The following SYNE1 variants were observed in gnomAD, a reference collection of about 807,000 sequenced individuals.
SYNE1 encodes the protein spectrin repeat containing nuclear envelope protein 1, also known as nesprin-1.
SYNE1 carries 616 observed loss-of-function variants against 1,111.0 expected under a neutral mutation model. That is an observed-to-expected ratio of 0.55 (90% CI 0.52 to 0.59). SYNE1 has a LOEUF of 0.59. SYNE1 is among the 20% of genes least tolerant of loss of function. The pLI is 0.00. For missense variants in SYNE1, 10,006 were observed against 10,417.0 expected, an observed-to-expected ratio of 0.96 and a Z score of 1.72; for synonymous variants, 3,855 against 3,825.8, an observed-to-expected ratio of 1.01 and a Z score of -0.28.
Position 152,323,581 on chromosome 6 carries a change from G to C in SYNE1, c.15814C>G (p.Arg5272Gly). The C allele has an allele frequency of 3.1e-6, 5 of 1,614,200 alleles. No homozygotes were observed. Among genetic ancestry groups the C allele is most frequent in the Non-Finnish European group, 4.2e-6 (5 of 1,180,030 alleles). Residue 5272 changes from arginine to glycine, a missense_variant, in exon 82 of 146, where the codon CGG becomes GGG. By Grantham distance (125) the Arg-to-Gly change is moderately radical. This residue lies in a region of SYNE1 where 4,955 missense variants were observed against 5,017.2 expected (regional missense o/e 0.99). Coordinates refer to ENST00000367255, the MANE Select transcript of SYNE1 (RefSeq NM_182961.4). ...EQQQSALGML[R>G]QQTLSMLQDG... ...TGGAGCATGCTCAGGGTTTGCTGCC[G>C]CAGCATGCCCAAGGCCGACTGCTGC...
chr6:152,224,725 T>G, intron 116 of SYNE1, 61 bp from the exon 117 acceptor site: 1 of 1,519,218 alleles, frequency 6.6e-7, no homozygotes, highest in Non-Finnish European at 9.1e-7. Flanking sequence ...GGAATATATA[T>G]TCAATTGATG....
In SYNE1 at chr6:152,376,795, A is replaced by G; in HGVS notation, c.9127T>C (p.Leu3043=). ...LSTYSGKVSG[L]IKEYNCLCLQ... is the part of the protein sequence containing the mutation. ...GCTCACCAATTATACTCTTTAATCA[A>G]GCCAGAAACTTTTCCACTGTAGGTA... Residue 3043 remains leucine (L), a synonymous_variant, in exon 57 of 146, where the codon TTG becomes CTG. Transcript: ENST00000367255. The G allele has an allele frequency of 6.2e-7, 1 of 1,614,048 alleles. No homozygotes were observed. The highest frequency in any genetic ancestry group is 8.5e-7 in the Non-Finnish European group (1 of 1,180,010).
intron 138 of SYNE1, among the ~76,000 whole-genome samples, chr6:152,141,772 A>G (rs866806516): frequency 3.3e-5 from 5 of 151,888 alleles, no homozygotes; most frequent in African/African-American, 7.3e-5. Flanking sequence ...AGAAAAAAGA[A>G]AAAATAAGCA....
At chr6:152,164,428 G>T (rs2063197551) in intron 130 of SYNE1, 103 bp from the exon 131 acceptor site, 1 of 1,397,072 alleles carries the variant, frequency 7.2e-7, no homozygotes, top group Admixed American at 1.9e-5. Flanking sequence ...TTTTTAGGCA[G>T]AGTTAGAAAC....
At chr6:152,510,400 T>C in intron 7 of SYNE1, 29 bp from the exon 8 acceptor site, 4 of 1,609,568 alleles carry the variant, frequency 2.5e-6, no homozygotes, top group Non-Finnish European at 3.4e-6. Flanking sequence ...CCAGCAAAAA[T>C]ATAAGCATTA....
chr6:152,328,269 G>A (rs1021098835), intron 78 of SYNE1, among the ~76,000 whole-genome samples: 12 of 152,232 alleles, frequency 7.9e-5, no homozygotes, highest in African/African-American at 2.6e-4. Flanking sequence ...TTACCTAAAG[G>A]GTTGGTTGAC....
chr6:152,282,559 A>G (rs1268011540), intron 96 of SYNE1, among the ~76,000 whole-genome samples: 1 of 152,194 alleles, frequency 6.6e-6, no homozygotes, highest in Non-Finnish European at 1.5e-5. Flanking sequence ...TTGAAAAAAA[A>G]ATCGACGTCA....
intron 145 of SYNE1, among the ~76,000 whole-genome samples, chr6:152,123,164 A>G (rs1180544564): frequency 2.0e-5 from 3 of 152,250 alleles, no homozygotes; most frequent in Non-Finnish European, 4.4e-5. Context: ...AGCAAAAATA[A>G]AAACAGTCTT....
rs1336643235 is a variant in SYNE1, at chr6:152,155,942, G to A, written c.23946C>T (p.Asn7982=). The A allele has an allele frequency of 5.0e-6, 8 of 1,613,988 alleles. No homozygotes were observed. Residue 7982 remains asparagine (N), a synonymous_variant, in exon 132 of 146, where the codon AAC becomes AAT. Transcript: ENST00000367255. The stretch of plus-strand genomic sequence containing the variant: ...TCCTTTCCATGGACATAGCACAAAT[G>A]TTTCTCCACCGCCGGTCCAGGTTTC... ...ATRNLDRRWR[N]ICAMSMERRL...
chr6:152,220,491 T>C (rs1249683926), intron 119 of SYNE1, among the ~76,000 whole-genome samples: 1 of 152,140 alleles, frequency 6.6e-6, no homozygotes, highest in African/African-American at 2.4e-5. Flanking sequence ...ATGGACAACA[T>C]CTGGAACAGA....
intron 14 of SYNE1, among the ~76,000 whole-genome samples, chr6:152,480,331 G>A (rs1017599509): frequency 2.0e-5 from 3 of 152,006 alleles, no homozygotes; most frequent in African/African-American, 4.8e-5. Flanking sequence ...GGCCAGCCTG[G>A]CCAACACGGC....
At chr6:152,369,185 A>T in intron 60 of SYNE1, 58 bp from the exon 61 acceptor site, 1 of 1,595,064 alleles carries the variant, frequency 6.3e-7, no homozygotes, top group Non-Finnish European at 8.5e-7. Flanking sequence ...TCGCGGACGA[A>T]GCTTTGGCCC....
intron 63 of SYNE1, among the ~76,000 whole-genome samples, chr6:152,363,192 T>TG (rs2096966441): frequency 6.9e-6 from 1 of 145,328 alleles, no homozygotes; most frequent in South Asian, 2.3e-4. Context: ...ACACATGCTA[T>TG]ATTTTAAATT....
intron 128 of SYNE1, among the ~76,000 whole-genome samples, chr6:152,187,952 C>T (rs2070733230): frequency 6.6e-6 from 1 of 152,172 alleles, no homozygotes; most frequent in South Asian, 2.1e-4. Context: ...TCTTGAACTC[C>T]TGACCTCAGG....
intron 41 of SYNE1, among the ~76,000 whole-genome samples, chr6:152,414,820 A>G (rs2098127730): frequency 6.9e-6 from 1 of 145,160 alleles, no homozygotes; most frequent in African/African-American, 2.5e-5. Flanking sequence ...GCTGGCATCC[A>G]GGGTGAGTGA....
At chr6:152,210,814 G>A (rs996165619) in intron 124 of SYNE1, among the ~76,000 whole-genome samples, 3 of 151,674 alleles carry the variant, frequency 2.0e-5, no homozygotes, top group Non-Finnish European at 1.5e-5. Context: ...CATAAATCTG[G>A]GGAGAAGCTA....
At chr6:152,557,562 C>G (rs1012187829) in intron 3 of SYNE1, among the ~76,000 whole-genome samples, 17 of 151,996 alleles carry the variant, frequency 1.1e-4, no homozygotes, top group African/African-American at 4.1e-4. Context: ...TTGAAAGCAA[C>G]TAGAGAAAAG....
At chr6:152,246,815 A>G (rs2087315204) in intron 105 of SYNE1, among the ~76,000 whole-genome samples, 1 of 152,226 alleles carries the variant, frequency 6.6e-6, no homozygotes, top group South Asian at 2.1e-4. Flanking sequence ...ATGTTTTTAG[A>G]TTCCTTAAGA....
At chr6:152,235,995 G>T in intron 110 of SYNE1, 112 bp downstream of exon 110, 3 of 1,213,208 alleles carry the variant, frequency 2.5e-6, no homozygotes, top group Non-Finnish European at 3.6e-6. Flanking sequence ...CTCCCGTATT[G>T]GCCACCCAAG....
Sources: allele counts gnomAD v4.1 joint callset (sites outside exome capture counted in the v4.1 genomes callset), GRCh38; gene constraint gnomAD v4.1.1; regional missense constraint gnomAD v4.1.1; transcripts MANE v1.5; gene names NCBI Gene and HGNC (gene_info 2026-07-23, HGNC 2026-07-21).